Variants in CDH6 observed in about 807,000 individuals in gnomAD.
CDH6 encodes cadherin-6.
CDH6 carries 31 observed loss-of-function variants against 78.0 expected under a neutral mutation model. The observed-to-expected ratio is 0.40, with a 90% CI of 0.30 to 0.54. The LOEUF is 0.54. Among genes scored for constraint, CDH6 ranks in the 20% least tolerant of loss-of-function variants. The pLI is 0.56. For missense variants in CDH6, 724 were observed against 975.9 expected (o/e 0.74, Z 3.44); for synonymous variants, 376 against 368.8 (o/e 1.02, Z -0.23).
intron 7 of CDH6, 29 bp from the exon 8 acceptor site, chr5:31,313,289 C>G: frequency 6.3e-7 from 1 of 1,586,470 alleles, no homozygotes; most frequent in Middle Eastern, 1.8e-4. Flanking sequence ...GAAAGAAAAG[C>G]CTTTCTTAAT....
intron 2 of CDH6, among the ~76,000 whole-genome samples, chr5:31,274,020 A>G (rs1190265952): frequency 6.6e-6 from 1 of 152,202 alleles, no homozygotes; most frequent in African/African-American, 2.4e-5. Flanking sequence ...TGCCTTGGGC[A>G]CATCTCTCGT....
chr5:31,261,645 C>T (rs1036245988), intron 1 of CDH6, among the ~76,000 whole-genome samples: 7 of 152,052 alleles, frequency 4.6e-5, no homozygotes, highest in African/African-American at 1.2e-4. Context: ...GTTAAGGCTC[C>T]GCATACTAAA....
At chr5:31,319,917 C>T (rs901359951) in intron 11 of CDH6, among the ~76,000 whole-genome samples, 1 of 152,134 alleles carries the variant, frequency 6.6e-6, no homozygotes, top group Non-Finnish European at 1.5e-5. Flanking sequence ...TATTAATTTT[C>T]TTTTACAAAT....
Position 31,307,702 on chromosome 5 carries a change from A to G in CDH6, c.1253+2275A>G, listed in dbSNP as rs950520093. On this transcript the variant is annotated intron_variant, in intron 7 of 11. Transcript: ENST00000265071. ...TCTTAGCAAGTAAGTATCAAATTCAATTTGAAAGTGTTAATGCTAGAAGTT... is the reference window on the plus strand; with the variant it reads ...TCTTAGCAAGTAAGTATCAAATTCAGTTTGAAAGTGTTAATGCTAGAAGTT... Among the ~76,000 whole-genome samples, 8 of 152,232 alleles carry G rather than the reference A, an allele frequency of 5.3e-5. 1 individual carries two copies. The highest frequency in any genetic ancestry group is 3.9e-4 in the Admixed American group (6 of 15,272).
At chr5:31,197,168 C>T (rs998833941) in intron 1 of CDH6, among the ~76,000 whole-genome samples, 2 of 152,108 alleles carry the variant, frequency 1.3e-5, no homozygotes, top group African/African-American at 4.8e-5. Flanking sequence ...TGTTTCATTT[C>T]TTTCCTTGAT....
At chr5:31,300,460 A>G (rs1737735531) in intron 5 of CDH6, among the ~76,000 whole-genome samples, 1 of 152,116 alleles carries the variant, frequency 6.6e-6, no homozygotes, top group South Asian at 2.1e-4. Flanking sequence ...AAGTAGTTTT[A>G]TTTTCTTTAT....
intron 2 of CDH6, among the ~76,000 whole-genome samples, chr5:31,270,411 C>T (rs982758999): frequency 1.3e-5 from 2 of 152,090 alleles, no homozygotes. Flanking sequence ...CACTCTTAAC[C>T]ACACTTACAA....
chr5:31,287,230 G>A (rs1401750739), intron 2 of CDH6, among the ~76,000 whole-genome samples: 3 of 152,136 alleles, frequency 2.0e-5, no homozygotes, highest in South Asian at 2.1e-4. Context: ...AAAGACACAG[G>A]CCTACAGGAT....
intron 1 of CDH6, among the ~76,000 whole-genome samples, chr5:31,247,178 CA>C (rs1561040868): frequency 6.6e-6 from 1 of 152,106 alleles, no homozygotes; most frequent in African/African-American, 2.4e-5. Flanking sequence ...TATCGATGAT[CA>C]AGAGTTATCA....
At chr5:31,298,976 T>A (rs2149949926) in intron 4 of CDH6, among the ~76,000 whole-genome samples, 1 of 152,332 alleles carries the variant, frequency 6.6e-6, no homozygotes, top group East Asian at 1.9e-4. Context: ...ATGGTAGGTG[T>A]ATCTGAGGGA....
chr5:31,200,567 T>TACTCAC (rs1554035110), intron 1 of CDH6, among the ~76,000 whole-genome samples: 1 of 144,372 alleles, frequency 6.9e-6, no homozygotes, highest in Non-Finnish European at 1.5e-5. Flanking sequence ...CACACATACA[T>TACTCAC]ACACACACAC....
chr5:31,302,607 G>A (rs1348915153), intron 6 of CDH6, among the ~76,000 whole-genome samples: 2 of 150,700 alleles, frequency 1.3e-5, no homozygotes, highest in Admixed American at 6.6e-5. Context: ...CAGCTACTCT[G>A]GAGACTGAGG....
chr5:31,324,778 A>T lies in CDH6; in HGVS notation c.*1470A>T, dbSNP rs996743893. The stretch of plus-strand genomic sequence containing the variant: ...CAGAGGACCCAACTGAACTGAACTA[A>T]TCCTTCTGGCAGATTCAAATCGTTT... On this transcript the variant is annotated 3_prime_UTR_variant, in exon 12 of 12. Transcript: ENST00000265071. 7 of 207,102 alleles carry T rather than the reference A, an allele frequency of 3.4e-5. No individual in the cohort carries two copies. The highest frequency in any genetic ancestry group is 1.4e-4 in the African/African-American group (6 of 43,966). 12.8% of individuals were successfully genotyped at this position (207,102 alleles called of 1,614,324 possible).
intron 1 of CDH6, among the ~76,000 whole-genome samples, chr5:31,253,222 TC>T (rs1213366579): frequency 1.3e-5 from 2 of 152,096 alleles, no homozygotes. Flanking sequence ...GTTCCCATAA[TC>T]CCCACATGCC....
chr5:31,267,590 G>C lies in CDH6; in HGVS notation c.117G>C (p.Glu39Asp). ...TCCCAGCAAAGAAAAGGGCCCTGGA[G>C]CTCTCTGGAAACAGCAAAAATGAGC... ...SGFPAKKRAL[E>D]LSGNSKNELN... Residue 39 changes from glutamate (E) to aspartate (D), a missense_variant, in exon 2 of 12, where the codon GAG (glutamate) becomes GAC (aspartate). This residue lies in a region of CDH6 where 58 missense variants were observed against 50.8 expected (regional missense o/e 1.14). Transcript: ENST00000265071. 6.2e-7 allele frequency: 1 copy of C among 1,614,106 alleles called. No individual in the cohort carries two copies. The highest frequency in any genetic ancestry group is 8.5e-7 in the Non-Finnish European group (1 of 1,180,012).
intron 1 of CDH6, among the ~76,000 whole-genome samples, chr5:31,225,388 T>A (rs1741124342): frequency 6.6e-6 from 1 of 152,188 alleles, no homozygotes; most frequent in Non-Finnish European, 1.5e-5. Flanking sequence ...GAGCTCATTC[T>A]AGACATACAC....
Position 31,305,436 on chromosome 5 carries a change from A to G in CDH6, c.1253+9A>G, listed in dbSNP as rs1429823379. The G allele has an allele frequency of 6.2e-7, 1 of 1,604,656 alleles. No homozygotes were observed. The highest frequency in any genetic ancestry group is 1.7e-5 in the Admixed American group (1 of 58,716). On this transcript the variant is annotated intron_variant, in intron 7 of 11. Coordinates refer to ENST00000265071, the MANE Select transcript of CDH6 (RefSeq NM_004932.4). ...GCCAGGAATCCTGTCAAGTAAGCAC[A>G]CTTCTGCGACATGTCTCTTTCATAA...
chr5:31,313,182 T>C (rs775012891), intron 7 of CDH6, 136 bp from the exon 8 acceptor site: 1 of 615,182 alleles, frequency 1.6e-6, no homozygotes, highest in East Asian at 2.8e-5. Context: ...TATTCAAATA[T>C]GCACTAGAGA....
intron 1 of CDH6, among the ~76,000 whole-genome samples, chr5:31,205,033 G>A (rs1334153957): frequency 1.3e-5 from 2 of 152,172 alleles, no homozygotes; most frequent in African/African-American, 4.8e-5. Flanking sequence ...TTATGGAATA[G>A]ATAAATCCAG....
Sources: gnomAD v4.1 joint callset for allele counts (sites outside exome capture counted in the v4.1 genomes callset) on GRCh38, gnomAD v4.1.1 for gene constraint, gnomAD v4.1.1 regional missense constraint, MANE v1.5 for transcripts, NCBI Gene and HGNC (gene_info 2026-07-23, HGNC 2026-07-21) for gene names.